Variants in ATRNL1 observed in about 807,000 individuals in gnomAD.
ATRNL1 encodes attractin-like protein 1.
Under a neutral mutation model 182.7 loss-of-function variants are expected in ATRNL1, and 95 were observed. The ratio of observed to expected loss-of-function variants is 0.52; its 90% CI spans 0.44 to 0.62. The LOEUF (loss-of-function observed/expected upper bound fraction) is 0.62, where lower values mean the gene tolerates loss of function less well. Ranked by LOEUF, ATRNL1 falls within the 20% of genes least tolerant of loss-of-function variation. The pLI is 0.00. For synonymous variants in ATRNL1, 576 were observed against 568.3 expected (o/e 1.01, Z -0.19); for missense variants, 1,471 against 1,679.5 (o/e 0.88, Z 2.17).
intron 26 of ATRNL1, among the ~76,000 whole-genome samples, chr10:115,690,048 G>T (rs1946340756): frequency 6.6e-6 from 1 of 152,132 alleles, no homozygotes; most frequent in East Asian, 1.9e-4. Flanking sequence ...CTCTCTGCTT[G>T]CAAGGCCAAG....
At chr10:115,740,281 T>C (rs985030536) in intron 27 of ATRNL1, among the ~76,000 whole-genome samples, 2 of 152,200 alleles carry the variant, frequency 1.3e-5, no homozygotes, top group Non-Finnish European at 2.9e-5. Context: ...CCTTTTCTTA[T>C]ATTCACACTT....
intron 25 of ATRNL1, among the ~76,000 whole-genome samples, chr10:115,534,380 A>G (rs1486219276): frequency 1.3e-5 from 2 of 151,960 alleles, no homozygotes; most frequent in African/African-American, 4.8e-5. Context: ...GTCTCTTCTG[A>G]TCTTTGTTGG....
intron 5 of ATRNL1, among the ~76,000 whole-genome samples, chr10:115,141,016 A>G (rs1845734973): frequency 6.6e-6 from 1 of 152,078 alleles, no homozygotes; most frequent in African/African-American, 2.4e-5. Flanking sequence ...ATAAGACCCT[A>G]TCTTTTAAAT....
chr10:115,458,996 A>G (rs1162385444), intron 21 of ATRNL1, among the ~76,000 whole-genome samples: 1 of 152,116 alleles, frequency 6.6e-6, no homozygotes, highest in African/African-American at 2.4e-5. Context: ...TAGTTCCCCA[A>G]ATTAATACTT....
At chr10:115,367,793 T>G (rs1554946516) in intron 19 of ATRNL1, among the ~76,000 whole-genome samples, 4 of 139,104 alleles carry the variant, frequency 2.9e-5, no homozygotes, top group African/African-American at 1.0e-4. Context: ...AGGTGTCAAG[T>G]GTGCCCCTGC....
At chr10:115,416,110 A>G (rs1389742268) in intron 20 of ATRNL1, among the ~76,000 whole-genome samples, 2 of 152,080 alleles carry the variant, frequency 1.3e-5, no homozygotes, top group Non-Finnish European at 2.9e-5. Flanking sequence ...ATTGAATCAC[A>G]TTAAAGTTAA....
intron 26 of ATRNL1, among the ~76,000 whole-genome samples, chr10:115,709,236 A>C (rs928413033): frequency 6.6e-6 from 1 of 151,916 alleles, no homozygotes; most frequent in African/African-American, 2.4e-5. Context: ...AATATAAGGC[A>C]GTTTCTGAAG....
intron 26 of ATRNL1, among the ~76,000 whole-genome samples, chr10:115,655,809 T>A (rs1860292863): frequency 6.6e-6 from 1 of 152,226 alleles, no homozygotes. Flanking sequence ...GCAAGGATAC[T>A]TTGAGCTGTT....
At chr10:115,326,490 T>C (rs576989875) in intron 18 of ATRNL1, among the ~76,000 whole-genome samples, 17 of 152,224 alleles carry the variant, frequency 1.1e-4, no homozygotes, top group Admixed American at 2.6e-4. Flanking sequence ...ATCAATATCA[T>C]GAAAATGGCC....
At chr10:115,577,344 C>A (rs12247556) in intron 26 of ATRNL1, among the ~76,000 whole-genome samples, 1 of 151,730 alleles carries the variant, frequency 6.6e-6, no homozygotes, top group Non-Finnish European at 1.5e-5. Context: ...AGTATTAATT[C>A]TTCAATCCAT....
intron 26 of ATRNL1, among the ~76,000 whole-genome samples, chr10:115,601,565 A>G (rs1555015927): frequency 6.6e-6 from 1 of 152,154 alleles, no homozygotes; most frequent in East Asian, 1.9e-4. Flanking sequence ...TATTGCTTGC[A>G]TGCAGTTTTA....
intron 1 of ATRNL1, among the ~76,000 whole-genome samples, chr10:115,095,709 T>G (rs1280430926): frequency 6.6e-6 from 1 of 152,204 alleles, no homozygotes; most frequent in Non-Finnish European, 1.5e-5. Context: ...TGTTTTTTTT[T>G]GCTTGTGTTC....
chr10:115,642,691 C>T (rs1415325376), intron 26 of ATRNL1, among the ~76,000 whole-genome samples: 3 of 152,108 alleles, frequency 2.0e-5, no homozygotes, highest in Non-Finnish European at 2.9e-5. Context: ...GTGATCCGCC[C>T]GCCTTGGCCT....
chr10:115,610,909 A>C (rs1159379395), intron 26 of ATRNL1, among the ~76,000 whole-genome samples: 1 of 152,202 alleles, frequency 6.6e-6, no homozygotes, highest in Non-Finnish European at 1.5e-5. Context: ...TGTAACTTTA[A>C]ATTAATAAAG....
intron 26 of ATRNL1, among the ~76,000 whole-genome samples, chr10:115,564,029 G>T (rs1053094019): frequency 6.6e-6 from 1 of 152,062 alleles, no homozygotes; most frequent in African/African-American, 2.4e-5. Flanking sequence ...TGTTCGACCT[G>T]TACTGTCCTT....
intron 26 of ATRNL1, among the ~76,000 whole-genome samples, chr10:115,667,138 C>G (rs1178360815): frequency 2.0e-5 from 3 of 152,060 alleles, no homozygotes; most frequent in African/African-American, 4.8e-5. Context: ...CAGAAGCTGA[C>G]TGTAGTTACT....
At chr10:115,596,285 T>C (rs1415232426) in intron 26 of ATRNL1, among the ~76,000 whole-genome samples, 12 of 152,066 alleles carry the variant, frequency 7.9e-5, no homozygotes, top group Admixed American at 7.2e-4. Flanking sequence ...TTTGTACTTT[T>C]AGTAGATGCA....
At chr10:115,349,648 T>G (rs994686527) in intron 19 of ATRNL1, among the ~76,000 whole-genome samples, 2 of 152,246 alleles carry the variant, frequency 1.3e-5, no homozygotes, top group Admixed American at 6.5e-5. Flanking sequence ...TTCTGTCTTT[T>G]GGATAAAAGC....
rs1554862103 is a variant in ATRNL1, at chr10:115,093,574, C to G, written c.-177C>G. On this transcript the variant is annotated 5_prime_UTR_variant, in exon 1 of 29. Coordinates refer to ENST00000355044, the MANE Select transcript of ATRNL1 (RefSeq NM_207303.4). This position sits in a 1 kb window ranked among gnomAD's most constrained non-coding sequence, Gnocchi z 6.1. ...CCGAGTGCGACTGGAGGCAGCCGAG[C>G]GGAGGCGACGGCGGTTGGGATCTGT... 1 of 740,030 alleles carries G rather than the reference C, an allele frequency of 1.4e-6. No homozygotes were observed. The highest frequency in any genetic ancestry group is 1.5e-5 in the South Asian group (1 of 67,042). The allele number at this position is 740,030 out of a possible 1,614,324, so 45.8% of individuals were successfully genotyped here.
Sources: allele counts gnomAD v4.1 joint callset (sites outside exome capture counted in the v4.1 genomes callset), GRCh38; gene constraint gnomAD v4.1.1; non-coding constraint Gnocchi (gnomAD v3.1); transcripts MANE v1.5; gene names NCBI Gene and HGNC (gene_info 2026-07-23, HGNC 2026-07-21).